SAMD12: variants seen among roughly 807,000 people sequenced by gnomAD.
The protein encoded by SAMD12 is sterile alpha motif domain containing 12.
In SAMD12, 9 loss-of-function variants were observed where a neutral mutation model predicts 15.0. That is an observed-to-expected ratio of 0.60 (90% confidence interval 0.36 to 1.05). The LOEUF (loss-of-function observed/expected upper bound fraction) is 1.05, where lower values mean the gene tolerates loss of function less well. Ranked by LOEUF, SAMD12 falls within the 50% of genes least tolerant of loss-of-function variation. The pLI, the probability that SAMD12 is intolerant of heterozygous loss-of-function variation, is 0.01. For missense variants in SAMD12, 230 were observed against 234.2 expected, an observed-to-expected ratio of 0.98 and a Z score of 0.12; for synonymous variants, 86 against 90.1, an observed-to-expected ratio of 0.96 and a Z score of 0.25.
chr8:118,500,977 C>T (rs2131039982), intron 2 of SAMD12, among the ~76,000 whole-genome samples: 1 of 152,280 alleles, frequency 6.6e-6, no homozygotes, highest in East Asian at 1.9e-4. Flanking sequence ...CCTCGTTGTC[C>T]AGCAATGCCT....
At chr8:118,497,157 T>C (rs1389323004) in intron 2 of SAMD12, among the ~76,000 whole-genome samples, 3 of 152,188 alleles carry the variant, frequency 2.0e-5, no homozygotes, top group Non-Finnish European at 4.4e-5. Context: ...GAAAGCAATC[T>C]GGAGATTTCT....
chr8:118,314,935 G>C (rs1815814552), intron 4 of SAMD12, among the ~76,000 whole-genome samples: 1 of 152,166 alleles, frequency 6.6e-6, no homozygotes. Flanking sequence ...ATGTCCAACA[G>C]CGTTCTTTTT....
At chr8:118,149,877 A>G in the SAMD12 span, among the ~76,000 whole-genome samples, 3 of 152,306 alleles carry the variant, frequency 2.0e-5, no homozygotes, top group East Asian at 3.9e-4. Flanking sequence ...TTGAAAATTA[A>G]TTGACCATAT....
chr8:118,190,328 G>T (rs17507138), exon 5 of SAMD12: 1 of 152,232 alleles, frequency 6.6e-6, no homozygotes, highest in African/African-American at 2.4e-5. Context: ...TGATGTGGCT[G>T]TCTGCTTCCT....
downstream of SAMD12, among the ~76,000 whole-genome samples, chr8:118,373,342 C>G (rs535554239): frequency 6.6e-6 from 1 of 152,210 alleles, no homozygotes; most frequent in Non-Finnish European, 1.5e-5. Context: ...AAGTCTATTG[C>G]TCCATTCTAC....
chr8:118,426,896 A>C (rs572312997), intron 3 of SAMD12, among the ~76,000 whole-genome samples: 5 of 152,356 alleles, frequency 3.3e-5, no homozygotes, highest in Admixed American at 6.5e-5. Context: ...AAAATACAAA[A>C]GGTGGCAACT....
intron 2 of SAMD12, among the ~76,000 whole-genome samples, chr8:118,539,953 A>G (rs1180878986): frequency 2.6e-5 from 4 of 152,232 alleles, no homozygotes; most frequent in African/African-American, 4.8e-5. Context: ...TATTTACTAC[A>G]TACTTAATAT....
chr8:118,198,124 T>C (rs1819617651), intron 4 of SAMD12, among the ~76,000 whole-genome samples: 1 of 152,176 alleles, frequency 6.6e-6, no homozygotes, highest in Non-Finnish European at 1.5e-5. Flanking sequence ...AAGCATTTTA[T>C]TGTGGGAGAG....
intron 2 of SAMD12, among the ~76,000 whole-genome samples, chr8:118,524,850 A>G (rs1362264824): frequency 6.6e-6 from 1 of 152,192 alleles, no homozygotes; most frequent in Non-Finnish European, 1.5e-5. Context: ...CTACACTGCC[A>G]TACTGGGTCA....
At chr8:118,447,443 C>T (rs1438911510) in intron 2 of SAMD12, among the ~76,000 whole-genome samples, 2 of 151,850 alleles carry the variant, frequency 1.3e-5, no homozygotes, top group African/African-American at 4.8e-5. Flanking sequence ...GCTGGGATTA[C>T]AGGCACCTGC....
In SAMD12 at chr8:118,452,161, G is replaced by A. The variant is rs529820846; in HGVS notation, c.193-12200C>T. On this transcript the variant is annotated intron_variant, in intron 2 of 3. Coordinates refer to ENST00000314727, the MANE Select transcript of SAMD12 (RefSeq NM_207506.3). The stretch of plus-strand genomic sequence containing the variant: ...ACCCTCACCAAAATCAAACCACATC[G>A]GCACCATGATCTCAGACTGCCAGAC... Among the ~76,000 whole-genome samples the A allele has an allele frequency of 1.2e-3, 187 of 151,750 alleles. 2 individuals carry two copies. The highest frequency in any genetic ancestry group is 4.3e-3 in the African/African-American group (178 of 41,244).
At chr8:118,384,586 C>T (rs1365743659) in intron 3 of SAMD12, among the ~76,000 whole-genome samples, 2 of 152,128 alleles carry the variant, frequency 1.3e-5, no homozygotes, top group Non-Finnish European at 2.9e-5. Flanking sequence ...CAACCTGAGC[C>T]ACCAATGGCT....
the SAMD12 span, among the ~76,000 whole-genome samples, chr8:118,163,469 G>A: frequency 6.6e-4 from 100 of 152,288 alleles, no homozygotes; most frequent in African/African-American, 2.3e-3. Flanking sequence ...TAAAAGCCAC[G>A]TTTATTGTAC....
intron 3 of SAMD12, among the ~76,000 whole-genome samples, chr8:118,420,423 G>A (rs1239473252): frequency 6.6e-6 from 1 of 152,204 alleles, no homozygotes; most frequent in South Asian, 2.1e-4. Flanking sequence ...GATGTACAAT[G>A]TATCTGGAAA....
chr8:118,286,025 G>T (rs1431001193), intron 4 of SAMD12, among the ~76,000 whole-genome samples: 1 of 152,110 alleles, frequency 6.6e-6, no homozygotes, highest in Non-Finnish European at 1.5e-5. Flanking sequence ...TAGGGACATG[G>T]ATGAAGCTGG....
intron 2 of SAMD12, among the ~76,000 whole-genome samples, chr8:118,538,352 C>T (rs1320700072): frequency 6.6e-6 from 1 of 152,202 alleles, no homozygotes; most frequent in Non-Finnish European, 1.5e-5. Flanking sequence ...GTCCTTGTGG[C>T]TTAAGCAGCC....
chr8:118,550,383 TAAAGA>T (rs1469044288), intron 2 of SAMD12, among the ~76,000 whole-genome samples: 6 of 152,274 alleles, frequency 3.9e-5, no homozygotes, highest in Admixed American at 2.6e-4. Context: ...TCAACATTCT[TAAAGA>T]AAAGAATTTG....
intron 2 of SAMD12, among the ~76,000 whole-genome samples, chr8:118,484,499 A>G (rs1410841588): frequency 6.6e-6 from 1 of 152,186 alleles, no homozygotes; most frequent in East Asian, 1.9e-4. Flanking sequence ...TGTTTATGGC[A>G]CAGATTGTGG....
chr8:118,483,878 C>A (rs1216892162), intron 2 of SAMD12, among the ~76,000 whole-genome samples: 8 of 152,154 alleles, frequency 5.3e-5, no homozygotes, highest in African/African-American at 9.6e-5. Flanking sequence ...GAAGGTCACC[C>A]AGATAGATTC....
Sources: gnomAD v4.1 joint callset for allele counts (sites outside exome capture counted in the v4.1 genomes callset) on GRCh38, gnomAD v4.1.1 for gene constraint, MANE v1.5 for transcripts, NCBI Gene and HGNC (gene_info 2026-07-23, HGNC 2026-07-21) for gene names.